Variants in RBFOX1 observed in about 807,000 individuals in gnomAD.
RBFOX1 encodes RNA binding fox-1 homolog 1.
RBFOX1 carries 8 observed loss-of-function variants against 57.7 expected under a neutral mutation model. The observed-to-expected ratio is 0.14, with a 90% CI of 0.08 to 0.25. The LOEUF (loss-of-function observed/expected upper bound fraction) is 0.25. RBFOX1 is among the 10% of genes least tolerant of loss of function. The probability of loss-of-function intolerance (pLI) is 1.00; values close to 1 mark genes in which losing one functional copy is unlikely to be tolerated. For synonymous variants in RBFOX1, 326 were observed against 222.4 expected (o/e 1.47, Z -4.15); for missense variants, 611 against 548.5 (o/e 1.11, Z -1.14).
At chr16:5,909,084 G>GC (rs372146600) in intron 4 of RBFOX1, among the ~76,000 whole-genome samples, 7 of 132,490 alleles carry the variant, frequency 5.3e-5, no homozygotes, top group East Asian at 2.2e-4. Context: ...AACAGACTAA[G>GC]CCCCCCTTTT....
chr16:7,211,287 G>A (rs1362698923), intron 4 of RBFOX1, among the ~76,000 whole-genome samples: 1 of 151,186 alleles, frequency 6.6e-6, no homozygotes, highest in Non-Finnish European at 1.5e-5. Flanking sequence ...AGCTTCTCGG[G>A]AGGCTGAGGC....
intron 4 of RBFOX1, among the ~76,000 whole-genome samples, chr16:7,365,598 A>G (rs2097427572): frequency 6.6e-6 from 1 of 152,204 alleles, no homozygotes; most frequent in African/African-American, 2.4e-5. Context: ...ATGTTGCTAA[A>G]CATTTGCCAA....
chr16:6,850,705 AT>A (rs1263063964), intron 3 of RBFOX1, among the ~76,000 whole-genome samples: 65 of 152,328 alleles, frequency 4.3e-4, no homozygotes, highest in African/African-American at 1.5e-3. Flanking sequence ...AAAAAAATCA[AT>A]TTGTTGGCTA....
At chr16:6,173,442 A>G (rs901945728) in intron 1 of RBFOX1, among the ~76,000 whole-genome samples, 1 of 152,014 alleles carries the variant, frequency 6.6e-6, no homozygotes, top group African/African-American at 2.4e-5. Context: ...AAAATTTACA[A>G]ACACACATGT....
chr16:6,283,262 G>A (rs1248357654), intron 1 of RBFOX1, among the ~76,000 whole-genome samples: 1 of 152,148 alleles, frequency 6.6e-6, no homozygotes, highest in African/African-American at 2.4e-5. Flanking sequence ...CGGAGGTTGA[G>A]CCTACAGTGA....
intron 1 of RBFOX1, among the ~76,000 whole-genome samples, chr16:5,377,711 C>T (rs1441029536): frequency 1.3e-5 from 2 of 151,256 alleles, no homozygotes; most frequent in African/African-American, 4.9e-5. Context: ...GGCGTGCAGC[C>T]CAGGAGAGGG....
At chr16:6,707,568 C>G (rs11644020) in intron 3 of RBFOX1, among the ~76,000 whole-genome samples, 39,505 of 146,848 alleles carry the variant, frequency 0.27, 6,186 homozygotes, top group East Asian at 0.65. Context: ...TCCTTAGAAT[C>G]AACCCCAAGA....
intron 2 of RBFOX1, among the ~76,000 whole-genome samples, chr16:5,572,273 A>G (rs2046307992): frequency 6.6e-6 from 1 of 152,126 alleles, no homozygotes; most frequent in Admixed American, 6.5e-5. Flanking sequence ...TTATCTCTTC[A>G]TTCTTATCTT....
chr16:6,228,478 C>T (rs1198939386), intron 1 of RBFOX1, among the ~76,000 whole-genome samples: 1 of 151,896 alleles, frequency 6.6e-6, no homozygotes, highest in Non-Finnish European at 1.5e-5. Context: ...TACAATTCAG[C>T]CTTCAAAAAA....
chr16:5,732,853 C>G (rs964159380), intron 3 of RBFOX1, among the ~76,000 whole-genome samples: 1 of 151,976 alleles, frequency 6.6e-6, no homozygotes, highest in African/African-American at 2.4e-5. Context: ...CTTCATGGAG[C>G]CAGGATGAGT....
chr16:5,398,244 T>A (rs987956935), intron 1 of RBFOX1, among the ~76,000 whole-genome samples: 2 of 152,104 alleles, frequency 1.3e-5, no homozygotes, highest in Non-Finnish European at 2.9e-5. Flanking sequence ...GACATGGACA[T>A]GTCTTTGTGT....
chr16:7,548,382 C>G (rs1410337001), intron 5 of RBFOX1, among the ~76,000 whole-genome samples: 1 of 152,134 alleles, frequency 6.6e-6, no homozygotes, highest in Admixed American at 6.5e-5. Flanking sequence ...GTCTTGAACT[C>G]CCAACCTCAG....
At chr16:6,823,245 G>T (rs918225627) in intron 3 of RBFOX1, among the ~76,000 whole-genome samples, 11 of 150,226 alleles carry the variant, frequency 7.3e-5, no homozygotes, top group East Asian at 3.9e-4. Flanking sequence ...AAATTGTTTT[G>T]TTTTCTTTTT....
At chr16:7,549,581 G>A (rs889419669) in intron 5 of RBFOX1, among the ~76,000 whole-genome samples, 5 of 152,230 alleles carry the variant, frequency 3.3e-5, no homozygotes, top group African/African-American at 1.2e-4. Context: ...GAAGCTGACA[G>A]TGAAACCTTC....
intron 10 of RBFOX1, among the ~76,000 whole-genome samples, chr16:7,629,536 G>A (rs2060605230): frequency 6.6e-6 from 1 of 152,168 alleles, no homozygotes; most frequent in African/African-American, 2.4e-5. Context: ...AGAAACCACA[G>A]GGAGGTATTT....
chr16:7,119,696 A>G (rs1313658160), intron 4 of RBFOX1, among the ~76,000 whole-genome samples: 1 of 152,086 alleles, frequency 6.6e-6, no homozygotes, highest in Non-Finnish European at 1.5e-5. Flanking sequence ...TGCACAAACT[A>G]TGGGACTTTT....
chr16:6,518,480 A>G (rs76029296), intron 2 of RBFOX1, among the ~76,000 whole-genome samples: 4 of 152,184 alleles, frequency 2.6e-5, no homozygotes, highest in Admixed American at 6.5e-5. Context: ...AGATGGGCAC[A>G]CTGAGAGTCA....
chr16:6,042,952 G>T (rs1164252982), intron 1 of RBFOX1, among the ~76,000 whole-genome samples: 1 of 151,662 alleles, frequency 6.6e-6, no homozygotes, highest in Non-Finnish European at 1.5e-5. Flanking sequence ...AAGGGGGGTT[G>T]TGAAAAATAA....
chr16:6,762,536 G>A (rs1292569546), intron 3 of RBFOX1, among the ~76,000 whole-genome samples: 2 of 151,996 alleles, frequency 1.3e-5, no homozygotes, highest in Non-Finnish European at 2.9e-5. Context: ...ATACGCCCAC[G>A]GTCGTTATGT....
Sources: allele counts gnomAD v4.1 joint callset (sites outside exome capture counted in the v4.1 genomes callset), GRCh38; gene constraint gnomAD v4.1.1; transcripts MANE v1.5; gene names NCBI Gene and HGNC (gene_info 2026-07-23, HGNC 2026-07-21).